The following ATRNL1 variants were observed in gnomAD, a reference collection of about 807,000 sequenced individuals.
ATRNL1 encodes attractin like 1.
In ATRNL1, 95 loss-of-function variants were observed where a neutral mutation model predicts 182.7. The observed-to-expected ratio is 0.52, with a 90% CI of 0.44 to 0.62. ATRNL1 has a LOEUF of 0.62. ATRNL1 is among the 20% of genes least tolerant of loss of function. The probability of loss-of-function intolerance (pLI) is 0.00; values close to 1 mark genes in which losing one functional copy is unlikely to be tolerated. For missense variants in ATRNL1, 1,471 were observed against 1,679.5 expected (o/e 0.88, Z 2.17); for synonymous variants, 576 against 568.3 (o/e 1.01, Z -0.19).
chr10:115,634,703 A>AT (rs1211186062), intron 26 of ATRNL1, among the ~76,000 whole-genome samples: 6 of 152,118 alleles, frequency 3.9e-5, no homozygotes, highest in Non-Finnish European at 7.4e-5. Context: ...TATTTATATG[A>AT]TTTTTTACTG....
intron 26 of ATRNL1, among the ~76,000 whole-genome samples, chr10:115,643,856 G>C (rs142224194): frequency 1.3e-5 from 2 of 152,148 alleles, no homozygotes; most frequent in East Asian, 3.9e-4. Context: ...TGCAATTCCT[G>C]TGCCTTGCTG....
intron 19 of ATRNL1, among the ~76,000 whole-genome samples, chr10:115,352,292 C>G (rs1260035370): frequency 6.6e-6 from 1 of 151,416 alleles, no homozygotes; most frequent in Non-Finnish European, 1.5e-5. Context: ...ATTTTTTAGT[C>G]TATAACTTAT....
intron 9 of ATRNL1, among the ~76,000 whole-genome samples, chr10:115,228,926 A>G (rs1159096277): frequency 6.6e-6 from 1 of 151,478 alleles, no homozygotes; most frequent in African/African-American, 2.4e-5. Flanking sequence ...ACACCACGCC[A>G]GGCTATGTTT....
intron 26 of ATRNL1, among the ~76,000 whole-genome samples, chr10:115,725,155 AC>A (rs1947554770): frequency 4.6e-5 from 7 of 152,184 alleles, no homozygotes; most frequent in Admixed American, 4.6e-4. Flanking sequence ...CTTGTTCTTT[AC>A]ATAAAGTAAT....
At chr10:115,506,576 A>G (rs1318796687) in intron 24 of ATRNL1, among the ~76,000 whole-genome samples, 1 of 152,126 alleles carries the variant, frequency 6.6e-6, no homozygotes, top group Non-Finnish European at 1.5e-5. Flanking sequence ...AATGAGCTCA[A>G]ACTCCATAAA....
At chr10:115,611,484 G>A (rs575188983) in intron 26 of ATRNL1, among the ~76,000 whole-genome samples, 1 of 152,026 alleles carries the variant, frequency 6.6e-6, no homozygotes, top group South Asian at 2.1e-4. Context: ...AATTCAGTAG[G>A]TTTAGCATAA....
chr10:115,452,576 CAATA>C (rs1195182495), intron 21 of ATRNL1, among the ~76,000 whole-genome samples: 2 of 151,980 alleles, frequency 1.3e-5, no homozygotes, highest in African/African-American at 4.8e-5. Flanking sequence ...AAACTGTACA[CAATA>C]AATATCCACA....
chr10:115,931,872 A>G (rs1953406858), intron 28 of ATRNL1, among the ~76,000 whole-genome samples: 4 of 152,080 alleles, frequency 2.6e-5, no homozygotes, highest in Admixed American at 2.6e-4. Context: ...GTCGGCAGGG[A>G]TTGTGGAACC....
chr10:115,601,936 TCCC>T (rs1565204686), intron 26 of ATRNL1, among the ~76,000 whole-genome samples: 1 of 152,184 alleles, frequency 6.6e-6, no homozygotes, highest in South Asian at 2.1e-4. Context: ...TTTCCTCATT[TCCC>T]CCCTTTTTTC....
chr10:115,263,851 A>G (rs1162659700), intron 10 of ATRNL1, among the ~76,000 whole-genome samples: 1 of 151,720 alleles, frequency 6.6e-6, no homozygotes, highest in Non-Finnish European at 1.5e-5. Context: ...CATTATGTGA[A>G]AAGTGCTTCT....
intron 1 of ATRNL1, among the ~76,000 whole-genome samples, chr10:115,114,993 A>G (rs1033188010): frequency 3.3e-5 from 5 of 151,948 alleles, no homozygotes; most frequent in Non-Finnish European, 5.9e-5. Context: ...GTGCCCACCA[A>G]CGGATCAATG....
chr10:115,537,927 C>T (rs1370236413), intron 25 of ATRNL1, among the ~76,000 whole-genome samples: 2 of 152,144 alleles, frequency 1.3e-5, no homozygotes, highest in Non-Finnish European at 2.9e-5. Flanking sequence ...TTGACCTGAT[C>T]TCTGTTCTTG....
chr10:115,498,464 A>AT (rs1554979088), intron 24 of ATRNL1, among the ~76,000 whole-genome samples: 1 of 151,940 alleles, frequency 6.6e-6, no homozygotes, highest in African/African-American at 2.4e-5. Context: ...CTATGATGCC[A>AT]TTTTTTTATG....
intron 20 of ATRNL1, among the ~76,000 whole-genome samples, chr10:115,421,187 T>G (rs1016720475): frequency 2.6e-5 from 4 of 152,234 alleles, no homozygotes; most frequent in African/African-American, 9.6e-5. Context: ...TCTTCCAAAC[T>G]CATTCTATGA....
intron 19 of ATRNL1, among the ~76,000 whole-genome samples, chr10:115,389,680 T>C (rs1227928051): frequency 6.7e-6 from 1 of 149,916 alleles, no homozygotes; most frequent in Non-Finnish European, 1.5e-5. Flanking sequence ...ACTATCTCTT[T>C]GGCATACTTA....
At chr10:115,335,471 A>C (rs782570571) in intron 19 of ATRNL1, among the ~76,000 whole-genome samples, 5 of 152,154 alleles carry the variant, frequency 3.3e-5, no homozygotes, top group Non-Finnish European at 7.4e-5. Context: ...TTGTAGGGTG[A>C]TTCTTAGGTA....
Position 115,793,920 on chromosome 10 carries a change from C to G in ATRNL1, c.3904-53957C>G, listed in dbSNP as rs1164603133. Among the ~76,000 whole-genome samples the G allele has an allele frequency of 3.3e-5, 5 of 152,220 alleles. No homozygotes were observed. The South Asian group carries it at 8.3e-4, about 25-fold the overall frequency. On this transcript the variant is annotated intron_variant, in intron 27 of 28. Coordinates refer to ENST00000355044, the MANE Select transcript of ATRNL1 (RefSeq NM_207303.4). ...AATCAATGAACTATGTGCATCCACT[C>G]TAAACATGTTGATTTTATGGTATGT...
rs939908684 is a variant in ATRNL1 at position 115,907,144 on chromosome 10, G to A, written c.4019-37514G>A. Reference sequence around the variant, plus strand: ...AGTTACACGTCTTCTAAGTGGTAGAGTCCAGCTTGGAGCTCATCATTGCTT... The same window carrying A: ...AGTTACACGTCTTCTAAGTGGTAGAATCCAGCTTGGAGCTCATCATTGCTT... On this transcript the variant is annotated intron_variant, in intron 28 of 28. Coordinates refer to ENST00000355044, the MANE Select transcript of ATRNL1 (RefSeq NM_207303.4). 1.8e-4 allele frequency among the ~76,000 whole-genome samples: 27 copies of A among 152,336 alleles called. No homozygotes were observed. The South Asian group carries it at 3.9e-3, about 22-fold the overall frequency.
intron 19 of ATRNL1, among the ~76,000 whole-genome samples, chr10:115,360,986 T>A (rs1856719411): frequency 6.6e-6 from 1 of 151,890 alleles, no homozygotes; most frequent in African/African-American, 2.4e-5. Context: ...CATGCTGTCA[T>A]CATGCTCTTA....
Sources: allele counts gnomAD v4.1 joint callset (sites outside exome capture counted in the v4.1 genomes callset), GRCh38; gene constraint gnomAD v4.1.1; transcripts MANE v1.5; gene names NCBI Gene and HGNC (gene_info 2026-07-23, HGNC 2026-07-21).